The following ESRRG variants were observed in gnomAD, a reference collection of about 807,000 sequenced individuals.
The protein encoded by ESRRG is estrogen-related receptor gamma.
In ESRRG, 13 loss-of-function variants were observed where a neutral mutation model predicts 44.0. The observed-to-expected ratio is 0.30, with a 90% CI of 0.19 to 0.47. ESRRG has a LOEUF of 0.47. ESRRG is among the 20% of genes least tolerant of loss of function. The pLI is 1.00. For synonymous variants in ESRRG, 215 were observed against 214.6 expected, an observed-to-expected ratio of 1.00 and a Z score of -0.02; for missense variants, 395 against 580.6, an observed-to-expected ratio of 0.68 and a Z score of 3.29.
At chr1:216,903,758 C>T (rs538945095) in intron 2 of ESRRG, among the ~76,000 whole-genome samples, 4 of 152,006 alleles carry the variant, frequency 2.6e-5, no homozygotes, top group Non-Finnish European at 5.9e-5. Context: ...AAACTAAATG[C>T]CCCTGACATG....
At position 216,930,303 on chromosome 1, in the gene ESRRG, C is replaced by T. The variant is rs1441904500; in HGVS notation, c.-14+9279G>A. On this transcript the variant is annotated intron_variant, in intron 2 of 7. Transcript: ENST00000359162. Reference sequence around the variant, plus strand: ...ATGTGAACATGGCTCATTACCAATTCATTCTATTTAACTTCAACTTTGCCC... The same window carrying T: ...ATGTGAACATGGCTCATTACCAATTTATTCTATTTAACTTCAACTTTGCCC... Among the ~76,000 whole-genome samples, 3 of 152,270 alleles carry T rather than the reference C, an allele frequency of 2.0e-5. No individual in the cohort carries two copies. The East Asian group carries it at 5.8e-4, about 29-fold the overall frequency.
At chr1:216,509,068 C>A (rs2041990232) in intron 6 of ESRRG, among the ~76,000 whole-genome samples, 1 of 152,186 alleles carries the variant, frequency 6.6e-6, no homozygotes, top group Admixed American at 6.5e-5. Context: ...TATTAAGCAC[C>A]TATTTCAGGT....
chr1:217,053,056 C>T (rs1263152551), intron 1 of ESRRG, among the ~76,000 whole-genome samples: 3 of 148,616 alleles, frequency 2.0e-5, no homozygotes, highest in Non-Finnish European at 1.5e-5. Flanking sequence ...GTAATCCCAG[C>T]TGGGAGGCTG....
chr1:216,958,676 G>T (rs4846798), intron 1 of ESRRG, among the ~76,000 whole-genome samples: 20,886 of 152,130 alleles, frequency 0.14, 1,926 homozygotes, highest in Admixed American at 0.21. Flanking sequence ...TAGCATTTCA[G>T]ATCACTCACT....
chr1:216,578,696 T>C (rs2062142742), intron 3 of ESRRG, among the ~76,000 whole-genome samples: 1 of 152,070 alleles, frequency 6.6e-6, no homozygotes, highest in South Asian at 2.1e-4. Context: ...TTCTTAAATA[T>C]TCATGAGGAA....
At chr1:217,003,509 A>G (rs953143392) in intron 1 of ESRRG, among the ~76,000 whole-genome samples, 1 of 150,938 alleles carries the variant, frequency 6.6e-6, no homozygotes. Context: ...TGTAAGCTTT[A>G]TTTGCTTGTC....
chr1:216,748,130 G>A (rs1322463346), intron 2 of ESRRG, among the ~76,000 whole-genome samples: 1 of 152,066 alleles, frequency 6.6e-6, no homozygotes. Context: ...GGAAGCAGAG[G>A]GTAAAGCTGG....
chr1:216,613,072 T>C (rs1415544711), intron 3 of ESRRG, among the ~76,000 whole-genome samples: 1 of 152,192 alleles, frequency 6.6e-6, no homozygotes, highest in African/African-American at 2.4e-5. Flanking sequence ...CAGGGGGAAT[T>C]TTTGTTTGGT....
At chr1:216,673,709 T>C (rs747946674) in intron 2 of ESRRG, among the ~76,000 whole-genome samples, 6 of 152,246 alleles carry the variant, frequency 3.9e-5, no homozygotes, top group Non-Finnish European at 8.8e-5. Flanking sequence ...ACCTATAAAA[T>C]GTTTTGAGAC....
At chr1:216,668,021 C>T (rs898090708) in intron 2 of ESRRG, among the ~76,000 whole-genome samples, 1 of 151,764 alleles carries the variant, frequency 6.6e-6, no homozygotes, top group African/African-American at 2.4e-5. Flanking sequence ...CGCTTGAACT[C>T]AGGAGGCGGA....
chr1:216,891,174 T>G (rs1317614947), intron 2 of ESRRG, among the ~76,000 whole-genome samples: 3 of 152,212 alleles, frequency 2.0e-5, no homozygotes, highest in African/African-American at 7.2e-5. Flanking sequence ...TGCCGACAGA[T>G]TATAACATTA....
At chr1:217,052,386 G>T (rs1270259599) in intron 1 of ESRRG, among the ~76,000 whole-genome samples, 2 of 152,142 alleles carry the variant, frequency 1.3e-5, no homozygotes, top group Non-Finnish European at 2.9e-5. Flanking sequence ...CAGATGCTGG[G>T]GCAGGTTTCA....
In ESRRG at chr1:216,723,331, A is replaced by G; in HGVS notation, c.-32T>C. On this transcript the variant is annotated 5_prime_UTR_variant, in exon 1 of 7. Transcript: ENST00000408911. ...CCGGCAACCATTATTTGTGCACCCC[A>G]GCTATAAATCAAAGTTTCCTTGACA... The G allele has an allele frequency of 6.2e-7, 1 of 1,610,384 alleles. No homozygotes were observed. Among genetic ancestry groups the G allele is most frequent in the Non-Finnish European group, 8.5e-7 (1 of 1,176,644 alleles).
rs539813445 is a variant in ESRRG at position 216,915,901 on chromosome 1, C to A, written c.-14+23681G>T. Among the ~76,000 whole-genome samples, 10 of 152,312 alleles carry A rather than the reference C, an allele frequency of 6.6e-5. No individual in the cohort carries two copies. The South Asian group carries it at 2.1e-3, about 32-fold the overall frequency. ...CAGTGATAGTACCCTCGTTGGCATG[C>A]AGTGTGACAGTTCACATCCAAACTC... On this transcript the variant is annotated intron_variant, in intron 2 of 7. Transcript: ENST00000359162.
At chr1:216,870,160 C>T (rs952501998) in intron 2 of ESRRG, among the ~76,000 whole-genome samples, 1 of 151,602 alleles carries the variant, frequency 6.6e-6, no homozygotes, top group Non-Finnish European at 1.5e-5. Flanking sequence ...AAGTTTCATT[C>T]TATGCCTACT....
intron 2 of ESRRG, among the ~76,000 whole-genome samples, chr1:216,799,107 G>A (rs1450194582): frequency 6.6e-6 from 1 of 151,978 alleles, no homozygotes; most frequent in Non-Finnish European, 1.5e-5. Context: ...TCTGATGTAT[G>A]CTGTCCCCAA....
chr1:216,709,186 C>T (rs778626765), intron 1 of ESRRG, among the ~76,000 whole-genome samples: 3 of 151,816 alleles, frequency 2.0e-5, no homozygotes, highest in Non-Finnish European at 2.9e-5. Context: ...GCAAGTTCTG[C>T]ACATGTATCC....
In ESRRG at chr1:216,723,265, A is replaced by G. The variant is rs2086763762; in HGVS notation, c.35T>C (p.Phe12Ser). The G allele has an allele frequency of 6.2e-7, 1 of 1,614,010 alleles. No individual in the cohort carries two copies. The highest frequency in any genetic ancestry group is 1.3e-5 in the African/African-American group (1 of 74,902). The change falls in exon 1 of 7, where the codon TTT becomes TCT. Residue 12 changes from phenylalanine to serine, a missense_variant. Phe to Ser is a radical substitution (Grantham distance 155). Around this residue, in one of 5 missense-constraint regions of ESRRG, gnomAD observed 148 missense variants for 150.4 expected, o/e 0.98. Coordinates refer to ENST00000408911, the MANE Select transcript of ESRRG (RefSeq NM_001438.4). ...DSVELCLPES[F>S]SLHYEEELLC... ...CTACTCTTCCTCGTAGTGCAGGGAA[A>G]AAGATTCAGGAAGGCAAAGTTCTAC... is the stretch of plus-strand genomic sequence containing the variant.
Position 216,564,297 on chromosome 1 carries a change from T to C in ESRRG, c.784A>G (p.Ile262Val), listed in dbSNP as rs1294175256. The change falls in exon 5 of 7, where the codon ATC becomes GTC. Residue 262 changes from isoleucine to valine, a missense_variant. Ile to Val is a conservative substitution (Grantham distance 29, BLOSUM62 3). Coordinates refer to ENST00000408911, the MANE Select transcript of ESRRG (RefSeq NM_001438.4). ...TCACACAGTGTAGTGAGGGCTTTGA[T>C]GTCACTGTCGGGGACAGTAGGGTCA... ...MPDPTVPDSD[I>V]KALTTLCDLA... The C allele has an allele frequency of 6.2e-7, 1 of 1,611,752 alleles. No individual in the cohort carries two copies. Among genetic ancestry groups the C allele is most frequent in the Non-Finnish European group, 8.5e-7 (1 of 1,178,490 alleles).
Sources: allele counts gnomAD v4.1 joint callset (sites outside exome capture counted in the v4.1 genomes callset), GRCh38; gene constraint gnomAD v4.1.1; regional missense constraint gnomAD v4.1.1; transcripts MANE v1.5; gene names NCBI Gene and HGNC (gene_info 2026-07-23, HGNC 2026-07-21).